The following ACTR3 variants were observed in gnomAD, a reference collection of about 807,000 sequenced individuals.
ACTR3 encodes the protein actin related protein 3.
A neutral mutation model predicts 56.8 loss-of-function variants in ACTR3; 12 were observed. The ratio of observed to expected loss-of-function variants is 0.21; its 90% CI spans 0.14 to 0.34. The LOEUF (loss-of-function observed/expected upper bound fraction) is 0.34. Among genes scored for constraint, ACTR3 ranks in the 10% least tolerant of loss-of-function variants. The probability of loss-of-function intolerance (pLI) is 1.00; values close to 1 mark genes in which losing one functional copy is unlikely to be tolerated. For missense variants in ACTR3, 282 were observed against 512.5 expected (o/e 0.55, Z 4.34); for synonymous variants, 162 against 167.4 (o/e 0.97, Z 0.25).
At chr2:113,906,702 G>T (rs1679197411) in intron 1 of ACTR3, among the ~76,000 whole-genome samples, 1 of 152,084 alleles carries the variant, frequency 6.6e-6, no homozygotes, top group Non-Finnish European at 1.5e-5. Context: ...CAGTTTTCCA[G>T]CACCATTTGT....
At chr2:113,940,180 A>G (rs923462524) in intron 7 of ACTR3, 78 bp downstream of exon 7, 3 of 1,237,094 alleles carry the variant, frequency 2.4e-6, no homozygotes, top group Non-Finnish European at 3.4e-6. Context: ...AATTTTTAAT[A>G]GAAGAAGAGT....
chr2:113,924,516 T>A (rs1405043741), intron 3 of ACTR3, among the ~76,000 whole-genome samples: 1 of 152,198 alleles, frequency 6.6e-6, no homozygotes, highest in East Asian at 1.9e-4. Flanking sequence ...TTCCTAAAAA[T>A]TAAAGCTGTT....
intron 6 of ACTR3, among the ~76,000 whole-genome samples, chr2:113,939,168 C>T (rs965642217): frequency 2.0e-5 from 3 of 151,682 alleles, no homozygotes; most frequent in Non-Finnish European, 2.9e-5. Context: ...GGACTACAGG[C>T]GCGCGCCACC....
chr2:113,891,820 G>A (rs1021293179), intron 1 of ACTR3, among the ~76,000 whole-genome samples: 2 of 151,904 alleles, frequency 1.3e-5, no homozygotes, highest in East Asian at 3.8e-4. Flanking sequence ...GAACTTCTAT[G>A]TATTTTTTTG....
intron 1 of ACTR3, among the ~76,000 whole-genome samples, chr2:113,902,264 T>C (rs888598374): frequency 5.9e-5 from 9 of 152,172 alleles, no homozygotes; most frequent in African/African-American, 4.8e-5. Flanking sequence ...AGCCTTCTTA[T>C]ATTTCTACTA....
intron 1 of ACTR3, among the ~76,000 whole-genome samples, chr2:113,892,094 A>G (rs1299012264): frequency 6.6e-6 from 1 of 152,228 alleles, no homozygotes; most frequent in Non-Finnish European, 1.5e-5. Flanking sequence ...CTGAGAAATA[A>G]TATGGTAACA....
At position 113,962,550 on chromosome 2, in the gene ACTR3, T is replaced by C. The variant is rs919831504; in HGVS notation, c.*5095T>C. On this transcript the variant is annotated 3_prime_UTR_variant, in exon 12 of 12. Coordinates refer to ENST00000263238, the MANE Select transcript of ACTR3 (RefSeq NM_005721.5). ...TTGGAATTATATTAGAAAGTCGATA[T>C]CGGAATTGGAACCACACATCTTTTT... is the stretch of plus-strand genomic sequence containing the variant. 5.3e-5 allele frequency: 8 copies of C among 150,706 alleles called. No homozygotes were observed. The highest frequency in any genetic ancestry group is 1.9e-4 in the African/African-American group (8 of 41,386). The allele number at this position is 150,706 out of a possible 1,614,324, so 9.3% of individuals were successfully genotyped here.
At position 113,954,480 on chromosome 2, in the gene ACTR3, T is replaced by C. The variant is rs202185223; in HGVS notation, c.1078-1143T>C. 12 of 152,232 alleles carry C rather than the reference T, an allele frequency of 7.9e-5. No individual in the cohort carries two copies. In the East Asian group the frequency reaches 2.1e-3, roughly 27 times the overall value. 9.4% of individuals were successfully genotyped at this position (152,232 alleles called of 1,614,324 possible). A position where few individuals can be genotyped will look rare whatever the true frequency, so the allele number is the denominator to read the frequency against. On this transcript the variant is annotated intron_variant, in intron 10 of 11. Transcript: ENST00000263238. ...ACATTCATTTATTCTTTTAGTAATA[T>C]CTATATGAACTCCTGATTTCTCATT...
In ACTR3 at chr2:113,914,001, C is replaced by T. The variant is rs567239144; in HGVS notation, c.100+774C>T. 1.3e-3 allele frequency among the ~76,000 whole-genome samples: 191 copies of T among 152,246 alleles called. 1 individual carries two copies. Among genetic ancestry groups the T allele is most frequent in the Non-Finnish European group, 2.2e-3 (147 of 68,014 alleles). Reference sequence around the variant, plus strand: ...AAACTTTTGCATACCAAGTGACAAACCTTTTGAGCCGTTGCTTAGTGGTTC... The same window carrying T: ...AAACTTTTGCATACCAAGTGACAAATCTTTTGAGCCGTTGCTTAGTGGTTC... On this transcript the variant is annotated intron_variant, in intron 2 of 11. Coordinates refer to ENST00000263238, the MANE Select transcript of ACTR3 (RefSeq NM_005721.5).
intron 1 of ACTR3, among the ~76,000 whole-genome samples, chr2:113,892,272 G>C (rs1486154154): frequency 6.6e-6 from 1 of 152,232 alleles, no homozygotes; most frequent in Non-Finnish European, 1.5e-5. Flanking sequence ...ATCGGGAAGA[G>C]GGGTTCAATT....
intron 1 of ACTR3, among the ~76,000 whole-genome samples, chr2:113,902,774 A>G (rs1679125485): frequency 1.3e-5 from 2 of 151,892 alleles, no homozygotes; most frequent in African/African-American, 4.8e-5. Flanking sequence ...TAGTTTTTGT[A>G]TTTTTAGTAG....
At chr2:113,916,802 T>G in intron 2 of ACTR3, 82 bp from the exon 3 acceptor site, 1 of 1,257,476 alleles carries the variant, frequency 8.0e-7, no homozygotes, top group East Asian at 2.6e-5. Flanking sequence ...TTTGTAGTAC[T>G]TTGTAATGGG....
intron 7 of ACTR3, 93 bp from the exon 8 acceptor site, chr2:113,942,093 T>A (rs993326515): frequency 2.0e-6 from 2 of 1,025,108 alleles, no homozygotes; most frequent in Non-Finnish European, 2.7e-6. Flanking sequence ...GTTTTTTTTT[T>A]TTATTGGATT....
chr2:113,924,202 G>A (rs935185815), intron 3 of ACTR3, among the ~76,000 whole-genome samples: 1 of 151,486 alleles, frequency 6.6e-6, no homozygotes, highest in Admixed American at 6.6e-5. Flanking sequence ...CCTGAGTAGC[G>A]GGGACTACAG....
intron 2 of ACTR3, among the ~76,000 whole-genome samples, chr2:113,915,942 C>T (rs1367542072): frequency 1.3e-5 from 2 of 152,176 alleles, no homozygotes; most frequent in Non-Finnish European, 2.9e-5. Flanking sequence ...GATATTTGAT[C>T]TGGAAAGCCT....
At chr2:113,928,056 A>G (rs1679652283) in intron 4 of ACTR3, among the ~76,000 whole-genome samples, 1 of 152,084 alleles carries the variant, frequency 6.6e-6, no homozygotes, top group Admixed American at 6.6e-5. Context: ...GTCTTTAAGA[A>G]TATTATACAT....
chr2:113,889,955 C>A, upstream of ACTR3: 2 of 530,356 alleles, frequency 3.8e-6, no homozygotes, highest in Non-Finnish European at 6.6e-6. Flanking sequence ...TCGGCACCGG[C>A]GGCCATCTTG....
At chr2:113,891,121 T>C (rs2104574886) in intron 1 of ACTR3, among the ~76,000 whole-genome samples, 1 of 152,312 alleles carries the variant, frequency 6.6e-6, no homozygotes, top group Admixed American at 6.5e-5. Flanking sequence ...CCTGAGCACA[T>C]CTTACTAGAA....
intron 2 of ACTR3, among the ~76,000 whole-genome samples, chr2:113,914,591 G>C (rs1679368543): frequency 6.8e-6 from 1 of 147,760 alleles, no homozygotes; most frequent in Admixed American, 6.7e-5. Context: ...AGGCCTGGGG[G>C]GTGACAGAGC....
Sources: allele counts gnomAD v4.1 joint callset (sites outside exome capture counted in the v4.1 genomes callset), GRCh38; gene constraint gnomAD v4.1.1; transcripts MANE v1.5; gene names NCBI Gene and HGNC (gene_info 2026-07-23, HGNC 2026-07-21).